The following NKD1 variants were observed in gnomAD, a reference collection of about 807,000 sequenced individuals.
NKD1 encodes the protein NKD inhibitor of Wnt signaling pathway 1, also known as protein naked cuticle homolog 1.
A neutral mutation model predicts 56.0 loss-of-function variants in NKD1; 21 were observed. That is an observed-to-expected ratio of 0.38 (90% confidence interval 0.27 to 0.54). The LOEUF is 0.54. Ranked by LOEUF, NKD1 falls within the 20% of genes least tolerant of loss-of-function variation. The probability of loss-of-function intolerance (pLI) is 0.82; values close to 1 mark genes in which losing one functional copy is unlikely to be tolerated. For missense variants in NKD1, 578 were observed against 642.7 expected (o/e 0.90, Z 1.09); for synonymous variants, 263 against 265.7 (o/e 0.99, Z 0.10).
chr16:50,564,031 G>T (rs991399440), intron 3 of NKD1, among the ~76,000 whole-genome samples: 13 of 152,398 alleles, frequency 8.5e-5, no homozygotes, highest in African/African-American at 3.1e-4. Flanking sequence ...GGCGTCAAAG[G>T]AGTGCAAAGG....
intron 4 of NKD1, among the ~76,000 whole-genome samples, chr16:50,615,275 G>A (rs181621381): frequency 1.3e-5 from 2 of 152,182 alleles, no homozygotes; most frequent in South Asian, 2.1e-4. Flanking sequence ...GCTACTTACC[G>A]TTGTTTCATT....
chr16:50,549,322 G>A (rs186343603), intron 2 of NKD1, 100 bp from the exon 3 acceptor site: 1 of 1,463,094 alleles, frequency 6.8e-7, no homozygotes, highest in Non-Finnish European at 9.2e-7. Context: ...CCCCCGTGCC[G>A]TGGTCCTTCG....
intron 7 of NKD1, among the ~76,000 whole-genome samples, 159 bp from the exon 8 acceptor site, chr16:50,630,667 G>A (rs1172213328): frequency 6.6e-6 from 1 of 152,170 alleles, no homozygotes; most frequent in Non-Finnish European, 1.5e-5. Context: ...AGATGGGGAT[G>A]TGTCCAGGGC....
chr16:50,621,253 C>A (rs1036591948), intron 4 of NKD1, among the ~76,000 whole-genome samples: 1 of 152,228 alleles, frequency 6.6e-6, no homozygotes, highest in African/African-American at 2.4e-5. Flanking sequence ...TCCCTAAGCT[C>A]CCTCGCTGGG....
At chr16:50,607,464 G>A (rs1463880206) in intron 3 of NKD1, 1 of 161,758 alleles carries the variant, frequency 6.2e-6, no homozygotes, top group African/African-American at 2.4e-5. Flanking sequence ...TTTATTGCTT[G>A]TCATTTTGTG....
In NKD1 at chr16:50,608,365, T is replaced by TCGGA; in HGVS notation, c.259+6_259+9dup. The TCGGA allele has an allele frequency of 6.2e-7, 1 of 1,605,654 alleles. No homozygotes were observed. The highest frequency in any genetic ancestry group is 8.5e-7 in the Non-Finnish European group (1 of 1,173,314). ...AGGACGACTTTCGGCTGGAAGGTAT[T>TCGGA]CGGAGTCCATTGCTCTCTTCCCAGC... On this transcript the variant is annotated splice_donor_region_variant and intron_variant, in intron 4 of 9. Transcript: ENST00000268459.
intron 3 of NKD1, among the ~76,000 whole-genome samples, chr16:50,584,668 A>G (rs1234595639): frequency 6.6e-6 from 1 of 152,222 alleles, no homozygotes; most frequent in African/African-American, 2.4e-5. Flanking sequence ...GGTAAATGTT[A>G]GCAATTATTA....
intron 3 of NKD1, among the ~76,000 whole-genome samples, chr16:50,551,111 T>C (rs1171311663): frequency 6.6e-6 from 1 of 152,106 alleles, no homozygotes; most frequent in East Asian, 1.9e-4. Flanking sequence ...TGGCATCCAG[T>C]CTGGGAGGAT....
At position 50,641,398 on chromosome 16, in the gene NKD1, C is replaced by T. The variant is rs1962576825; in HGVS notation, c.*7617C>T. The stretch of plus-strand genomic sequence containing the variant: ...CAATCCTCTGCTCACCGGGACCGTA[C>T]CTAGCCTGGCCCATCGATGTGTCAT... On this transcript the variant is annotated 3_prime_UTR_variant, in exon 10 of 10. Transcript: ENST00000268459. 1 of 152,266 alleles carries T rather than the reference C, an allele frequency of 6.6e-6. No individual in the cohort carries two copies. Among genetic ancestry groups the T allele is most frequent in the Non-Finnish European group, 1.5e-5 (1 of 68,060 alleles). The allele number at this position is 152,266 out of a possible 1,614,324, so 9.4% of individuals were successfully genotyped here.
chr16:50,552,921 G>A (rs1960421574), intron 3 of NKD1, among the ~76,000 whole-genome samples: 1 of 152,226 alleles, frequency 6.6e-6, no homozygotes, highest in South Asian at 2.1e-4. Flanking sequence ...CTTTCCATGG[G>A]GACATGAGCA....
intron 3 of NKD1, among the ~76,000 whole-genome samples, chr16:50,592,162 C>T (rs991755589): frequency 2.6e-5 from 4 of 152,320 alleles, no homozygotes; most frequent in Middle Eastern, 3.4e-3. Flanking sequence ...AATAGGCAGC[C>T]GGCTCAGGTC....
chr16:50,631,081 G>A (rs764419670), intron 8 of NKD1, among the ~76,000 whole-genome samples, 171 bp downstream of exon 8: 18 of 152,336 alleles, frequency 1.2e-4, no homozygotes, highest in Middle Eastern at 6.8e-3. Context: ...ACTACATGTA[G>A]TCCACATCCT....
intron 7 of NKD1, 27 bp downstream of exon 7, chr16:50,630,360 A>C (rs1386924561): frequency 1.9e-6 from 3 of 1,612,084 alleles, no homozygotes. Context: ...TGAGCCTGGG[A>C]AACAATGTCC....
rs367627201 is a variant in NKD1 at position 50,549,409 on chromosome 16, G to T, written c.59-13G>T. 8 of 1,609,082 alleles carry T rather than the reference G, an allele frequency of 5.0e-6. No homozygotes were observed. The highest frequency in any genetic ancestry group is 5.9e-6 in the Non-Finnish European group (7 of 1,177,872). ...GAGCCAGACTCAGGGGCTTCATGTC[G>T]TCCCCGTCCCAGGTGACAGCTTCGC... On this transcript the variant is annotated splice_polypyrimidine_tract_variant and intron_variant, in intron 2 of 9. Coordinates refer to ENST00000268459, the MANE Select transcript of NKD1 (RefSeq NM_033119.5).
chr16:50,579,208 G>A (rs1029679412), intron 3 of NKD1, among the ~76,000 whole-genome samples: 7 of 147,018 alleles, frequency 4.8e-5, no homozygotes, highest in African/African-American at 1.3e-4. Flanking sequence ...CGCTACACAC[G>A]CACTCTAACC....
intron 3 of NKD1, chr16:50,557,873 G>A (rs138534566): frequency 6.6e-6 from 1 of 152,216 alleles, no homozygotes; most frequent in South Asian, 2.1e-4. Flanking sequence ...ATGTGAGTAG[G>A]GATTTGAAGA....
rs138964473 is a variant in NKD1 at position 50,598,262 on chromosome 16, T to TGTGTGCGCGC, written c.193-10031_193-10030insTGTGCGCGCG. On this transcript the variant is annotated intron_variant, in intron 3 of 9. Transcript: ENST00000268459. This position sits in a 1 kb window ranked among gnomAD's most constrained non-coding sequence, Gnocchi z 4.2. ...GTGTGTGTGTGTGTGTGTGTGTGTGTGCGCGCACACCTGTGCTCATGGACA... is the reference window on the plus strand; with the variant it reads ...GTGTGTGTGTGTGTGTGTGTGTGTGTGTGTGCGCGCGCGCGCACACCTGTGCTCATGGACA... 5.5e-4 allele frequency among the ~76,000 whole-genome samples: 82 copies of TGTGTGCGCGC among 148,658 alleles called. 1 individual carries two copies. The highest frequency in any genetic ancestry group is 2.1e-3 in the African/African-American group (81 of 39,150).
rs1400357671 is a variant in NKD1, at chr16:50,637,976, G to A, written c.*4195G>A. On this transcript the variant is annotated 3_prime_UTR_variant, in exon 10 of 10. Coordinates refer to ENST00000268459, the MANE Select transcript of NKD1 (RefSeq NM_033119.5). The stretch of plus-strand genomic sequence containing the variant: ...AGTACCCGGGGGTCAGGAGCCTAGG[G>A]GACTCTTGCACTTCACATCCAGCCA... The A allele has an allele frequency of 6.6e-6, 1 of 152,172 alleles. No individual in the cohort carries two copies. The highest frequency in any genetic ancestry group is 2.4e-5 in the African/African-American group (1 of 41,418). 9.4% of individuals were successfully genotyped at this position (152,172 alleles called of 1,614,324 possible). A position where few individuals can be genotyped will look rare whatever the true frequency, so the allele number is the denominator to read the frequency against.
intron 3 of NKD1, among the ~76,000 whole-genome samples, chr16:50,579,598 G>A (rs1418802918): frequency 7.8e-6 from 1 of 127,976 alleles, no homozygotes; most frequent in Non-Finnish European, 1.6e-5. Context: ...CGGGCTACCC[G>A]CTACACACGC....
Sources: allele counts gnomAD v4.1 joint callset (sites outside exome capture counted in the v4.1 genomes callset), GRCh38; gene constraint gnomAD v4.1.1; non-coding constraint Gnocchi (gnomAD v3.1); transcripts MANE v1.5; gene names NCBI Gene and HGNC (gene_info 2026-07-23, HGNC 2026-07-21).